PCDHA13: variants seen among roughly 807,000 people sequenced by gnomAD.
PCDHA13 encodes protocadherin alpha-13.
In PCDHA13, 54 loss-of-function variants were observed where a neutral mutation model predicts 64.8. The ratio of observed to expected loss-of-function variants is 0.83; its 90% CI spans 0.67 to 1.04. The LOEUF is 1.04. Ranked by LOEUF, PCDHA13 falls within the 50% of genes least tolerant of loss-of-function variation. PCDHA13 has a pLI of 0.00. For synonymous variants in PCDHA13, 587 were observed against 564.4 expected, an observed-to-expected ratio of 1.04 and a Z score of -0.57; for missense variants, 1,248 against 1,254.3, an observed-to-expected ratio of 0.99 and a Z score of 0.08.
At chr5:140,989,109 A>C (rs2097330096) in intron 3 of PCDHA13, 2 of 152,240 alleles carry the variant, frequency 1.3e-5, no homozygotes, top group African/African-American at 4.8e-5. Context: ...CAACTTTTGA[A>C]TATATCTTAG....
chr5:140,924,712 T>C (rs1481544117), intron 1 of PCDHA13, among the ~76,000 whole-genome samples: 1 of 151,870 alleles, frequency 6.6e-6, no homozygotes, highest in African/African-American at 2.4e-5. Context: ...TTGTGCAACA[T>C]GGCGAAACCT....
At position 140,888,063 on chromosome 5, in the gene PCDHA13, T is replaced by A. The variant is rs1412671068; in HGVS notation, c.2394+3401T>A. On this transcript the variant is annotated intron_variant, in intron 1 of 3. Coordinates refer to ENST00000289272, the MANE Select transcript of PCDHA13 (RefSeq NM_018904.3). Reference sequence around the variant, plus strand: ...TGTATAATAGATGTTTTAACTTTCTTGTCTGCTAATTTCAACATTTTTGTC... The same window carrying A: ...TGTATAATAGATGTTTTAACTTTCTAGTCTGCTAATTTCAACATTTTTGTC... Among the ~76,000 whole-genome samples the A allele has an allele frequency of 2.0e-5, 3 of 152,238 alleles. No homozygotes were observed. In the East Asian group the frequency reaches 5.8e-4, roughly 29 times the overall value.
At chr5:140,982,364 T>A in intron 2 of PCDHA13, 111 bp from the exon 3 acceptor site, 1 of 1,534,660 alleles carries the variant, frequency 6.5e-7, no homozygotes, top group Non-Finnish European at 8.8e-7. Flanking sequence ...ATGAGCAGAA[T>A]GTGTTAGCTG....
intron 1 of PCDHA13, among the ~76,000 whole-genome samples, chr5:140,907,765 T>C (rs901037519): frequency 8.5e-5 from 13 of 152,144 alleles, no homozygotes; most frequent in African/African-American, 3.1e-4. Flanking sequence ...GCCCATTGGG[T>C]GATGACAGGG....
chr5:140,906,985 G>A (rs1418384427), intron 1 of PCDHA13, among the ~76,000 whole-genome samples: 1 of 152,170 alleles, frequency 6.6e-6, no homozygotes, highest in East Asian at 1.9e-4. Context: ...TCTGGTGGCA[G>A]CATTCCTCCC....
intron 1 of PCDHA13, among the ~76,000 whole-genome samples, chr5:140,962,051 T>C (rs1352018533): frequency 2.0e-5 from 3 of 151,838 alleles, no homozygotes; most frequent in Admixed American, 6.6e-5. Context: ...GCCTGGCTAA[T>C]TTTTTTGTAT....
Position 140,927,380 on chromosome 5 carries a change from T to A in PCDHA13, c.2394+42718T>A, listed in dbSNP as rs1245076146. 1 of 1,614,198 alleles carries A rather than the reference T, an allele frequency of 6.2e-7. No individual in the cohort carries two copies. Among genetic ancestry groups the A allele is most frequent in the African/African-American group, 1.3e-5 (1 of 75,060 alleles). On this transcript the variant is annotated intron_variant, in intron 1 of 3. Transcript: ENST00000289272. ...AGCAATGGGATACTAAGCTACAGCCTAAGCCCCAGTCAGCACTTTCGCCTG... is the reference window on the plus strand; with the variant it reads ...AGCAATGGGATACTAAGCTACAGCCAAAGCCCCAGTCAGCACTTTCGCCTG...
intron 3 of PCDHA13, among the ~76,000 whole-genome samples, chr5:140,994,729 A>G (rs1382639837): frequency 6.6e-6 from 1 of 152,180 alleles, no homozygotes; most frequent in Non-Finnish European, 1.5e-5. Flanking sequence ...AATACTGGGT[A>G]TTGCAGGATG....
At chr5:140,951,560 C>T (rs2094602519) in intron 1 of PCDHA13, among the ~76,000 whole-genome samples, 1 of 151,998 alleles carries the variant, frequency 6.6e-6, no homozygotes. Flanking sequence ...AAGTGCTACG[C>T]ACTTTTAAAC....
chr5:140,988,866 C>T (rs1364853349), intron 3 of PCDHA13: 2 of 152,170 alleles, frequency 1.3e-5, no homozygotes, highest in Non-Finnish European at 2.9e-5. Context: ...CTCATGTGCA[C>T]TCAGATGTAC....
chr5:140,913,447 C>T (rs1445715185), intron 1 of PCDHA13, among the ~76,000 whole-genome samples: 5 of 152,022 alleles, frequency 3.3e-5, no homozygotes, highest in African/African-American at 9.7e-5. Context: ...TTTTCAGCTC[C>T]GATTTTATTT....
intron 3 of PCDHA13, among the ~76,000 whole-genome samples, chr5:140,983,328 T>G (rs1214241110): frequency 6.6e-6 from 1 of 152,218 alleles, no homozygotes; most frequent in East Asian, 1.9e-4. Flanking sequence ...ATTCTTGCCC[T>G]ATCACTAAAG....
chr5:140,951,318 G>C (rs2094570791), intron 1 of PCDHA13, among the ~76,000 whole-genome samples: 1 of 152,038 alleles, frequency 6.6e-6, no homozygotes, highest in Non-Finnish European at 1.5e-5. Context: ...TGTTATTCTT[G>C]AGATTCATCA....
intron 1 of PCDHA13, among the ~76,000 whole-genome samples, chr5:140,895,352 G>A (rs1322887367): frequency 7.9e-5 from 12 of 151,916 alleles, no homozygotes; most frequent in African/African-American, 2.9e-4. Flanking sequence ...GCTTTCCAGT[G>A]AGTACTTATT....
At chr5:140,942,260 T>TA (rs2093256424) in intron 1 of PCDHA13, among the ~76,000 whole-genome samples, 1 of 152,086 alleles carries the variant, frequency 6.6e-6, no homozygotes, top group African/African-American at 2.4e-5. Flanking sequence ...AAAAGATATC[T>TA]AAAGCTGGTA....
chr5:140,944,871 C>T (rs1370417254), intron 1 of PCDHA13, among the ~76,000 whole-genome samples: 1 of 152,110 alleles, frequency 6.6e-6, no homozygotes, highest in Non-Finnish European at 1.5e-5. Flanking sequence ...ATCTTAACCA[C>T]CTACTCCACT....
intron 1 of PCDHA13, chr5:140,968,773 A>G (rs528972800): frequency 4.3e-6 from 7 of 1,614,206 alleles, no homozygotes; most frequent in Non-Finnish European, 5.1e-6. Flanking sequence ...GAGAGCCATC[A>G]CTATCAGCCT....
chr5:140,926,698 C>G, intron 1 of PCDHA13: 2 of 787,702 alleles, frequency 2.5e-6, no homozygotes, highest in Non-Finnish European at 3.6e-6. Context: ...AAGCCCGGCT[C>G]CCAGCTGGCC....
At chr5:140,926,942 C>CT in intron 1 of PCDHA13, 1 of 1,585,854 alleles carries the variant, frequency 6.3e-7, no homozygotes, top group Non-Finnish European at 8.6e-7. Flanking sequence ...TCCTGCGGCG[C>CT]TGCAGCGGGA....
Sources: allele counts gnomAD v4.1 joint callset (sites outside exome capture counted in the v4.1 genomes callset), GRCh38; gene constraint gnomAD v4.1.1; transcripts MANE v1.5; gene names NCBI Gene and HGNC (gene_info 2026-07-23, HGNC 2026-07-21).